The following PRDM16 variants were observed in gnomAD, a reference collection of about 807,000 sequenced individuals.
PRDM16 encodes histone-lysine N-methyltransferase PRDM16.
In PRDM16, 23 loss-of-function variants were observed where a neutral mutation model predicts 110.6. The observed-to-expected ratio is 0.21, with a 90% confidence interval of 0.15 to 0.29. The LOEUF (loss-of-function observed/expected upper bound fraction) is 0.29, where lower values mean the gene tolerates loss of function less well. Ranked by LOEUF, PRDM16 falls within the 10% of genes least tolerant of loss-of-function variation. The pLI, the probability that PRDM16 is intolerant of heterozygous loss-of-function variation, is 1.00. For missense variants in PRDM16, 1,615 were observed against 1,794.3 expected, an observed-to-expected ratio of 0.90 and a Z score of 1.81; for synonymous variants, 799 against 781.8, an observed-to-expected ratio of 1.02 and a Z score of -0.37.
At chr1:3,153,588 C>T (rs947526255) in intron 1 of PRDM16, among the ~76,000 whole-genome samples, 2 of 152,212 alleles carry the variant, frequency 1.3e-5, no homozygotes, top group Non-Finnish European at 1.5e-5. Flanking sequence ...TGGTCCTCAA[C>T]GCTGGCAACA....
intron 1 of PRDM16, among the ~76,000 whole-genome samples, chr1:3,171,241 A>G (rs1644022211): frequency 6.6e-6 from 1 of 152,226 alleles, no homozygotes; most frequent in Non-Finnish European, 1.5e-5. Flanking sequence ...AAATAAGTCT[A>G]TAAATAGTTT....
intron 1 of PRDM16, among the ~76,000 whole-genome samples, chr1:3,101,457 C>T (rs1642531830): frequency 6.6e-6 from 1 of 152,244 alleles, no homozygotes; most frequent in Admixed American, 6.5e-5. Context: ...GCCGCACCAC[C>T]AGCGTGAGCG....
intron 14 of PRDM16, 145 bp from the exon 15 acceptor site, chr1:3,430,727 A>C: frequency 1.0e-6 from 1 of 962,254 alleles, no homozygotes. Context: ...GGCTGGGCCC[A>C]GGGACCCGCG....
rs958655391 is a variant in PRDM16 at position 3,080,713 on chromosome 1, C to T, written c.37+11417C>T. 6.6e-6 allele frequency among the ~76,000 whole-genome samples: 1 copy of T among 152,166 alleles called. No homozygotes were observed. Among genetic ancestry groups the T allele is most frequent in the Non-Finnish European group, 1.5e-5 (1 of 68,040 alleles). Reference sequence around the variant, plus strand: ...AAGCCAGCTTGCTCTCCCCCTCGGACCGGGCAACTGCTCCTGGATTTCTGT... The same window carrying T: ...AAGCCAGCTTGCTCTCCCCCTCGGATCGGGCAACTGCTCCTGGATTTCTGT... On this transcript the variant is annotated intron_variant, in intron 1 of 16. Coordinates refer to ENST00000270722, the MANE Select transcript of PRDM16 (RefSeq NM_022114.4). This position sits in a 1 kb window ranked among gnomAD's most constrained non-coding sequence, Gnocchi z 5.2.
Position 3,435,645 on chromosome 1 carries a change from G to A in PRDM16, c.*1834G>A, listed in dbSNP as rs1490485301. ...AACAGGAGTGGTGCAAGCCGCCTTG[G>A]TGTGGGTTTGTGTCACGTGTGGACA... On this transcript the variant is annotated 3_prime_UTR_variant, in exon 17 of 17. Transcript: ENST00000270722. The A allele has an allele frequency of 4.3e-6, 1 of 232,954 alleles. No individual in the cohort carries two copies. The highest frequency in any genetic ancestry group is 6.0e-5 in the East Asian group (1 of 16,572). The allele number at this position is 232,954 out of a possible 1,614,324, so 14.4% of individuals were successfully genotyped here. A position where few individuals can be genotyped will look rare whatever the true frequency, so the allele number is the denominator to read the frequency against.
In PRDM16 at chr1:3,436,250, C is replaced by T. The variant is rs528156845; in HGVS notation, c.*2439C>T. The stretch of plus-strand genomic sequence containing the variant: ...GTCTCTCTGAAGTGGGACATTCGGA[C>T]GGATGGAGCCCTCAGCGTGTCTTTT... On this transcript the variant is annotated 3_prime_UTR_variant, in exon 17 of 17. Coordinates refer to ENST00000270722, the MANE Select transcript of PRDM16 (RefSeq NM_022114.4). The T allele has an allele frequency of 5.2e-5, 12 of 229,296 alleles. No homozygotes were observed. Among genetic ancestry groups the T allele is most frequent in the Middle Eastern group, 2.6e-3 (2 of 770 alleles). 14.2% of individuals were successfully genotyped at this position (229,296 alleles called of 1,614,324 possible). A position where few individuals can be genotyped will look rare whatever the true frequency, so the allele number is the denominator to read the frequency against.
intron 3 of PRDM16, among the ~76,000 whole-genome samples, chr1:3,344,937 C>T (rs1642333898): frequency 6.6e-6 from 1 of 152,116 alleles, no homozygotes; most frequent in East Asian, 1.9e-4. Flanking sequence ...CTGTGGGGCC[C>T]TTTGCAACCT....
At chr1:3,401,881 A>C (rs965375933) in intron 5 of PRDM16, among the ~76,000 whole-genome samples, 1 of 137,546 alleles carries the variant, frequency 7.3e-6, no homozygotes, top group African/African-American at 2.4e-5. Context: ...ACCAGTGCAC[A>C]CAAATATTCA....
At chr1:3,110,956 C>T (rs561032313) in intron 1 of PRDM16, among the ~76,000 whole-genome samples, 66 of 152,328 alleles carry the variant, frequency 4.3e-4, no homozygotes, top group Non-Finnish European at 9.1e-4. Context: ...AGAGATTGCC[C>T]GGTTCTGGGC....
chr1:3,192,794 C>T (rs1638346691), intron 2 of PRDM16, among the ~76,000 whole-genome samples: 1 of 152,152 alleles, frequency 6.6e-6, no homozygotes, highest in African/African-American at 2.4e-5. Flanking sequence ...CAAGATCAAC[C>T]CAGAGACAGA....
chr1:3,122,032 C>T (rs1030394617), intron 1 of PRDM16, among the ~76,000 whole-genome samples: 76 of 152,312 alleles, frequency 5.0e-4, no homozygotes, highest in African/African-American at 1.8e-3. Flanking sequence ...GCGCACCCGG[C>T]GGAGTATGGA....
At position 3,317,366 on chromosome 1, in the gene PRDM16, G is replaced by T. The variant is rs540200812; in HGVS notation, c.439-67786G>T. On this transcript the variant is annotated intron_variant, in intron 3 of 16. Coordinates refer to ENST00000270722, the MANE Select transcript of PRDM16 (RefSeq NM_022114.4). The stretch of plus-strand genomic sequence containing the variant: ...ACCGAGGCTGCAGCGAGCCCCAGCT[G>T]ACAAGGACGGACTAACGAGTATGCC... Among the ~76,000 whole-genome samples, 3 of 152,344 alleles carry T rather than the reference G, an allele frequency of 2.0e-5. No individual in the cohort carries two copies. The East Asian group carries it at 5.8e-4, about 29-fold the overall frequency.
At position 3,265,143 on chromosome 1, in the gene PRDM16, G is replaced by A. The variant is rs140181255; in HGVS notation, c.438+21006G>A. Among the ~76,000 whole-genome samples the A allele has an allele frequency of 1.0e-3, 152 of 152,244 alleles. No individual in the cohort carries two copies. Among genetic ancestry groups the A allele is most frequent in the East Asian group, 9.3e-3 (48 of 5,170 alleles). On this transcript the variant is annotated intron_variant, in intron 3 of 16. Coordinates refer to ENST00000270722, the MANE Select transcript of PRDM16 (RefSeq NM_022114.4). The surrounding 1 kb of genome is among the most constrained non-coding windows in gnomAD (Gnocchi z 4.5). ...ATCCCTGGTGCCACCTATTGAGGCC[G>A]AGGCGAGCGGGCTGTTAGGACTGGG...
In PRDM16 at chr1:3,246,171, G is replaced by T. The variant is rs1351670328; in HGVS notation, c.438+2034G>T. Among the ~76,000 whole-genome samples, 1 of 152,172 alleles carries T rather than the reference G, an allele frequency of 6.6e-6. No homozygotes were observed. The highest frequency in any genetic ancestry group is 2.4e-5 in the African/African-American group (1 of 41,456). ...GCCTTCTGTGCCTCTGGGCCACGGT[G>T]GGTTTGCCTTTGTGTCTTATATGTG... On this transcript the variant is annotated intron_variant, in intron 3 of 16. Coordinates refer to ENST00000270722, the MANE Select transcript of PRDM16 (RefSeq NM_022114.4). The surrounding 1 kb of genome is among the most constrained non-coding windows in gnomAD (Gnocchi z 5.2).
At position 3,433,882 on chromosome 1, in the gene PRDM16, C is replaced by T; in HGVS notation, c.*71C>T. ...CACGAAGGACGGAGGCGGGCGGGGC[C>T]CCGGAGAACCCTGTCCCTGCGTGTG... On this transcript the variant is annotated 3_prime_UTR_variant, in exon 17 of 17. Coordinates refer to ENST00000270722, the MANE Select transcript of PRDM16 (RefSeq NM_022114.4). 1 of 1,531,528 alleles carries T rather than the reference C, an allele frequency of 6.5e-7. No homozygotes were observed. The highest frequency in any genetic ancestry group is 8.9e-7 in the Non-Finnish European group (1 of 1,125,618). The allele number at this position is 1,531,528 out of a possible 1,614,324, so 94.9% of individuals were successfully genotyped here.
At chr1:3,344,604 A>C (rs531298913) in intron 3 of PRDM16, among the ~76,000 whole-genome samples, 1 of 152,134 alleles carries the variant, frequency 6.6e-6, no homozygotes, top group South Asian at 2.1e-4. Flanking sequence ...GTAATTTTTT[A>C]TTGTATTGGA....
intron 4 of PRDM16, among the ~76,000 whole-genome samples, chr1:3,394,280 G>T (rs1352768554): frequency 6.6e-6 from 1 of 152,044 alleles, no homozygotes; most frequent in Non-Finnish European, 1.5e-5. Flanking sequence ...CTGCAGAGAG[G>T]GGATGGGGTT....
chr1:3,412,117 C>G lies in PRDM16; in HGVS notation c.1920C>G (p.Gly640=). The change falls in exon 9 of 17, where the codon GGC becomes GGG. Residue 640 remains glycine, a synonymous_variant. Coordinates refer to ENST00000270722, the MANE Select transcript of PRDM16 (RefSeq NM_022114.4). ...DSDPDKDKGK[G]KSAEGQPKFG... ...ACCCTGACAAGGACAAGGGCAAGGGCAAGTCCGCCGAGGGCCAGCCCAAGT... is the reference window on the plus strand; with the variant it reads ...ACCCTGACAAGGACAAGGGCAAGGGGAAGTCCGCCGAGGGCCAGCCCAAGT... The G allele has an allele frequency of 1.3e-6, 2 of 1,571,340 alleles. No individual in the cohort carries two copies. Among genetic ancestry groups the G allele is most frequent in the South Asian group, 1.2e-5 (1 of 84,252 alleles).
At chr1:3,180,897 CACACGCAGTCTT>C (rs1364943453) in intron 1 of PRDM16, among the ~76,000 whole-genome samples, 6,377 of 150,648 alleles carry the variant, frequency 0.042, 184 homozygotes, top group Admixed American at 0.067. Context: ...CACGGCCTCA[CACACGCAGTCTT>C]ACACGCAGCC....
Sources: gnomAD v4.1 joint callset for allele counts (sites outside exome capture counted in the v4.1 genomes callset) on GRCh38, gnomAD v4.1.1 for gene constraint, Gnocchi (gnomAD v3.1) non-coding constraint, MANE v1.5 for transcripts, NCBI Gene and HGNC (gene_info 2026-07-23, HGNC 2026-07-21) for gene names.